The following TTN variants were observed in gnomAD, a reference collection of about 807,000 sequenced individuals.
TTN encodes the protein titin.
A neutral mutation model predicts 3,223.0 loss-of-function variants in TTN; 1,525 were observed. The observed-to-expected ratio is 0.47, with a 90% CI of 0.45 to 0.49. The LOEUF (loss-of-function observed/expected upper bound fraction) is 0.49. TTN is among the 20% of genes least tolerant of loss of function. TTN has a pLI of 0.00. For missense variants in TTN, 40,786 were observed against 43,424.0 expected, an observed-to-expected ratio of 0.94 and a Z score of 5.40; for synonymous variants, 14,094 against 15,161.0, an observed-to-expected ratio of 0.93 and a Z score of 5.17.
chr2:178,724,165 A>G (rs1464199263), intron 72 of TTN, 22 bp from the exon 73 acceptor site: 2 of 1,593,674 alleles, frequency 1.3e-6, no homozygotes, highest in African/African-American at 2.7e-5. Context: ...AAGGTAAGAG[A>G]CTCATCATGA....
rs1189487766 is a variant in TTN, at chr2:178,773,455, T to C, written c.7594+7A>G. The C allele has an allele frequency of 6.2e-7, 1 of 1,613,966 alleles. No individual in the cohort carries two copies. Among genetic ancestry groups the C allele is most frequent in the Admixed American group, 1.7e-5 (1 of 59,990 alleles). ...AGTAATTATTAGATAGGTAGAATAA[T>C]CCTTACTTTCTACAGAGAGATTACA... On this transcript the variant is annotated splice_region_variant and intron_variant, in intron 32 of 362. Coordinates refer to ENST00000589042, the MANE Select transcript of TTN (RefSeq NM_001267550.2).
At position 178,564,745 on chromosome 2, in the gene TTN, G is replaced by T; in HGVS notation, c.81387C>A (p.Asp27129Glu). The change falls in exon 326 of 363, where the codon GAC becomes GAA. Residue 27129 changes from aspartate to glutamate, a missense_variant. Coordinates refer to ENST00000589042, the MANE Select transcript of TTN (RefSeq NM_001267550.2). The stretch of plus-strand genomic sequence containing the variant: ...CAAGCCCAGTTGTTTTGAATTTGGT[G>T]TCCTGAATGGGGGTCTTATTTAACT... ...WVKLNKTPIQ[D>E]TKFKTTGLDE... 6.2e-7 allele frequency: 1 copy of T among 1,612,830 alleles called. No homozygotes were observed. Among genetic ancestry groups the T allele is most frequent in the Non-Finnish European group, 8.5e-7 (1 of 1,179,362 alleles).
chr2:178,583,267 C>G, intron 312 of TTN, 40 bp from the exon 313 acceptor site: 1 of 1,476,978 alleles, frequency 6.8e-7, no homozygotes, highest in Non-Finnish European at 9.0e-7. Context: ...GTATGCAAAG[C>G]TATATTATGT....
chr2:178,535,432 T>G lies in TTN; in HGVS notation c.101183A>C (p.Lys33728Thr). 6.2e-7 allele frequency: 1 copy of G among 1,613,912 alleles called. No individual in the cohort carries two copies. The highest frequency in any genetic ancestry group is 8.5e-7 in the Non-Finnish European group (1 of 1,179,830). The change falls in exon 358 of 363, where the codon AAA becomes ACA. Residue 33728 changes from lysine (K) to threonine (T), a missense_variant. Lys to Thr is a moderately conservative substitution (Grantham distance 78). Transcript: ENST00000589042. Reference protein sequence around the residue: ...GSKITNYIVEKCATTAERWLR... With the variant: ...GSKITNYIVETCATTAERWLR... ...CCATCTTTCTGCAGTAGTTGCACAT[T>G]TTTCAACAATGTAGTTGGTGATTTT...
At chr2:178,595,465 G>C in intron 295 of TTN, 42 bp downstream of exon 295, 1 of 1,523,356 alleles carries the variant, frequency 6.6e-7, no homozygotes, top group Non-Finnish European at 8.9e-7. Flanking sequence ...TACTAAATGA[G>C]TAAAGAAGTG....
Position 178,554,735 on chromosome 2 carries a change from C to A in TTN, c.88612G>T (p.Gly29538Cys). 6.2e-7 allele frequency: 1 copy of A among 1,613,754 alleles called. No individual in the cohort carries two copies. The highest frequency in any genetic ancestry group is 2.2e-5 in the East Asian group (1 of 44,870). ...ACAGTCTTAAATTCAATTGGTCCAC[C>A]AGGTGGGCCTGGTTTGTCTATCAGT... The part of the protein sequence containing the change: ...VQILDKPGPP[G>C]GPIEFKTVTA... Residue 29538 changes from glycine (G) to cysteine (C), a missense_variant, in exon 332 of 363, where the codon GGT becomes TGT. Physicochemically the swap from Gly to Cys is radical, Grantham distance 159 (BLOSUM62 -3). Coordinates refer to ENST00000589042, the MANE Select transcript of TTN (RefSeq NM_001267550.2).
rs777003046 is a variant in TTN, at chr2:178,571,391, G to A, written c.74741C>T (p.Thr24914Ile). The change falls in exon 326 of 363, where the codon ACT (threonine) becomes ATT (isoleucine). Residue 24914 changes from threonine to isoleucine, a missense_variant. Physicochemically the swap from Thr to Ile is moderately conservative, Grantham distance 89. Transcript: ENST00000589042. ...CCTGGAGGACAGTGTGACAACTGGAGTGCCAGGAGGACCAGGAACTTTGAA... is the reference window on the plus strand; with the variant it reads ...CCTGGAGGACAGTGTGACAACTGGAATGCCAGGAGGACCAGGAACTTTGAA... ...YPFKVPGPPG[T>I]PVVTLSSRDS... 1.3e-5 allele frequency: 21 copies of A among 1,613,302 alleles called. No homozygotes were observed. Among genetic ancestry groups the A allele is most frequent in the Non-Finnish European group, 1.8e-5 (21 of 1,179,574 alleles).
chr2:178,608,537 A>G, intron 274 of TTN, 60 bp from the exon 275 acceptor site: 1 of 1,559,578 alleles, frequency 6.4e-7, no homozygotes, highest in African/African-American at 1.4e-5. Flanking sequence ...TGCAATTTTA[A>G]AAGCTGTAGT....
In TTN at chr2:178,773,384, A is replaced by G; in HGVS notation, c.7595-15T>C. 1 of 1,613,938 alleles carries G rather than the reference A, an allele frequency of 6.2e-7. No homozygotes were observed. The highest frequency in any genetic ancestry group is 8.5e-7 in the Non-Finnish European group (1 of 1,179,954). ...AATTTTAATTTCTGGGGAAAAAATA[A>G]AATAATCTCTTGGTTATTGTTACAC... On this transcript the variant is annotated splice_polypyrimidine_tract_variant and intron_variant, in intron 32 of 362. Coordinates refer to ENST00000589042, the MANE Select transcript of TTN (RefSeq NM_001267550.2).
In TTN at chr2:178,712,501, T is replaced by C; in HGVS notation, c.27421A>G (p.Ile9141Val). The C allele has an allele frequency of 6.2e-7, 1 of 1,613,790 alleles. No individual in the cohort carries two copies. Among genetic ancestry groups the C allele is most frequent in the Non-Finnish European group, 8.5e-7 (1 of 1,179,798 alleles). Residue 9141 changes from isoleucine to valine, a missense_variant, in exon 95 of 363, where the codon ATT (isoleucine) becomes GTT (valine). Physicochemically the swap from Ile to Val is conservative, Grantham distance 29. Coordinates refer to ENST00000589042, the MANE Select transcript of TTN (RefSeq NM_001267550.2). ...LEGTFTGTPP[I>V]SVTWKKNGIN... ...CCATTTTTCTTCCAGGTAACCGAAA[T>C]GGGAGGAGTTCCAGTGAATGTACCC...
chr2:178,794,523 G>C lies in TTN; in HGVS notation c.1274C>G (p.Ala425Gly), dbSNP rs1345364888. ...AACGGCAGCAACAACAGTCGCAACA[G>C]CTGCACTTTTGTCAGCATCTTGTTT... ...EVKQDADKSA[A>G]VATVVAAVDM... Residue 425 changes from alanine to glycine, a missense_variant, in exon 8 of 363, where the codon GCT becomes GGT. By Grantham distance (60) the Ala-to-Gly change is moderately conservative. Transcript: ENST00000589042. 2.5e-6 allele frequency: 4 copies of C among 1,614,084 alleles called. No individual in the cohort carries two copies. In the East Asian group the frequency reaches 8.9e-5, roughly 36 times the overall value.
Position 178,594,153 on chromosome 2 carries a change from G to A in TTN, c.58240C>T (p.Pro19414Ser). 1 of 1,613,362 alleles carries A rather than the reference G, an allele frequency of 6.2e-7. No homozygotes were observed. Among genetic ancestry groups the A allele is most frequent in the Non-Finnish European group, 8.5e-7 (1 of 1,179,604 alleles). ...TTGAACCAGGAAACCTTAGGCTTTG[G>A]TTTGCCTGAGTAACGGCCAGTGAGG... is the stretch of plus-strand genomic sequence containing the variant. ...FALTGRYSGK[P>S]KPKVSWFKDE... The change falls in exon 297 of 363, where the codon CCA (proline) becomes TCA (serine). Residue 19414 changes from proline (P) to serine (S), a missense_variant. Pro to Ser is a moderately conservative substitution (Grantham distance 74). Transcript: ENST00000589042.
chr2:178,683,785 T>G (rs1407731942), intron 133 of TTN, among the ~76,000 whole-genome samples: 1 of 152,046 alleles, frequency 6.6e-6, no homozygotes. Flanking sequence ...GGAAAATTAT[T>G]CACATACGTT....
Position 178,563,300 on chromosome 2 carries a change from T to C in TTN, c.82832A>G (p.Glu27611Gly). ...GGTTGTCCATTCATCCGCAGCAGCT[T>C]CTTTGACCTCTACAACATAGCCTTT... ...PVKGYVVEVKEAAADEWTTCT... is the reference protein window; with the variant it reads ...PVKGYVVEVKGAAADEWTTCT... The change falls in exon 326 of 363, where the codon GAA becomes GGA. Residue 27611 changes from glutamate (E) to glycine (G), a missense_variant. Physicochemically the swap from Glu to Gly is moderately conservative, Grantham distance 98. Coordinates refer to ENST00000589042, the MANE Select transcript of TTN (RefSeq NM_001267550.2). This position sits in a 1 kb window ranked among gnomAD's most constrained non-coding sequence, Gnocchi z 4.5. The C allele has an allele frequency of 6.2e-7, 1 of 1,613,644 alleles. No homozygotes were observed. The highest frequency in any genetic ancestry group is 8.5e-7 in the Non-Finnish European group (1 of 1,179,698).
chr2:178,673,823 G>C, intron 151 of TTN, 113 bp from the exon 152 acceptor site: 1 of 746,060 alleles, frequency 1.3e-6, no homozygotes, highest in Non-Finnish European at 2.1e-6. Context: ...AAAGATATTA[G>C]CAACCTAAAT....
At position 178,589,763 on chromosome 2, in the gene TTN, G is replaced by A. The variant is rs369710636; in HGVS notation, c.61962C>T (p.Ile20654=). 4.3e-6 allele frequency: 7 copies of A among 1,613,354 alleles called. 1 individual carries two copies. Among genetic ancestry groups the A allele is most frequent in the East Asian group, 2.2e-5 (1 of 44,806 alleles). Residue 20654 remains isoleucine, a synonymous_variant, in exon 304 of 363, where the codon ATC becomes ATT. Transcript: ENST00000589042. ...AENKVGVGPT[I]ETKTPILAIN... is the part of the protein sequence containing the mutation. ...TAGCCAGAATGGGAGTTTTTGTTTC[G>A]ATGGTTGGCCCAACACCTACTTTAT... is the stretch of plus-strand genomic sequence containing the variant.
chr2:178,536,915 T>TA (rs767400861), intron 356 of TTN, 23 bp downstream of exon 356: 8 of 1,550,398 alleles, frequency 5.2e-6, no homozygotes, highest in Non-Finnish European at 6.1e-6. Context: ...CATAGGAAGA[T>TA]ACAGAAATCA....
Position 178,594,169 on chromosome 2 carries a change from G to A in TTN, c.58224C>T (p.Gly19408=), listed in dbSNP as rs2050896307. 3 of 1,613,208 alleles carry A rather than the reference G, an allele frequency of 1.9e-6. No homozygotes were observed. In the African/African-American group the frequency reaches 4.0e-5, roughly 22 times the overall value. ...TAGGCTTTGGTTTGCCTGAGTAACG[G>A]CCAGTGAGGGCAAAAGCTTCACCAA... ...IRVGEAFALT[G]RYSGKPKPKV... The change falls in exon 297 of 363, where the codon GGC becomes GGT. Residue 19408 remains glycine, a synonymous_variant. Coordinates refer to ENST00000589042, the MANE Select transcript of TTN (RefSeq NM_001267550.2).
In TTN at chr2:178,563,573, T is replaced by C; in HGVS notation, c.82559A>G (p.Asn27520Ser). 1.9e-6 allele frequency: 3 copies of C among 1,613,838 alleles called. No individual in the cohort carries two copies. Among genetic ancestry groups the C allele is most frequent in the East Asian group, 2.2e-5 (1 of 44,858 alleles). The change falls in exon 326 of 363, where the codon AAC (asparagine) becomes AGC (serine). Residue 27520 changes from asparagine (N) to serine (S), a missense_variant. Asn to Ser is a conservative substitution (Grantham distance 46). Coordinates refer to ENST00000589042, the MANE Select transcript of TTN (RefSeq NM_001267550.2). The surrounding 1 kb of genome is among the most constrained non-coding windows in gnomAD (Gnocchi z 4.5). ...CCGCAGATCCGTTAATGTTTTCTTGTTGCACTTGGTCCATCTAACGCCTTC... is the reference window on the plus strand; with the variant it reads ...CCGCAGATCCGTTAATGTTTTCTTGCTGCACTTGGTCCATCTAACGCCTTC... Reference protein sequence around the residue: ...DKEGVRWTKCNKKTLTDLRLR... With the variant: ...DKEGVRWTKCSKKTLTDLRLR...
Sources: gnomAD v4.1 joint callset for allele counts (sites outside exome capture counted in the v4.1 genomes callset) on GRCh38, gnomAD v4.1.1 for gene constraint, Gnocchi (gnomAD v3.1) non-coding constraint, MANE v1.5 for transcripts, NCBI Gene and HGNC (gene_info 2026-07-23, HGNC 2026-07-21) for gene names.